DNAJB12: variants seen among roughly 807,000 people sequenced by gnomAD.
DNAJB12 encodes dnaJ homolog subfamily B member 12.
In DNAJB12, 14 loss-of-function variants were observed where a neutral mutation model predicts 40.6. The ratio of observed to expected loss-of-function variants is 0.34; its 90% CI spans 0.23 to 0.54. DNAJB12 has a LOEUF of 0.54. Ranked by LOEUF, DNAJB12 falls within the 20% of genes least tolerant of loss-of-function variation. The pLI is 0.92. For synonymous variants in DNAJB12, 181 were observed against 199.5 expected (o/e 0.91, Z 0.78); for missense variants, 444 against 501.7 (o/e 0.89, Z 1.10).
chr10:72,351,490 C>T (rs754637506), intron 1 of DNAJB12, among the ~76,000 whole-genome samples: 21 of 152,348 alleles, frequency 1.4e-4, no homozygotes, highest in Middle Eastern at 6.8e-3. Context: ...CCCATGCTCT[C>T]GATCCTTCCC....
At chr10:72,343,590 C>A in intron 2 of DNAJB12, 79 bp from the exon 3 acceptor site, 1 of 1,516,928 alleles carries the variant, frequency 6.6e-7, no homozygotes, top group South Asian at 1.2e-5. Flanking sequence ...CCGTGTGGGG[C>A]GCACAGCTCT....
At position 72,336,643 on chromosome 10, in the gene DNAJB12, T is replaced by C. The variant is rs1393745914; in HGVS notation, c.887A>G (p.Tyr296Cys). ...RVTDHLGVVY[Y>C]VGDTFSEEYT... is the part of the protein sequence containing the mutation. The stretch of plus-strand genomic sequence containing the variant: ...CTCTTCGGAGAAAGTGTCTCCCACA[T>C]AGTAGACGACACCCAGGTGGTCAGT... The change falls in exon 7 of 9, where the codon TAT becomes TGT. Residue 296 changes from tyrosine to cysteine, a missense_variant. Coordinates refer to ENST00000444643, the MANE Select transcript of DNAJB12 (RefSeq NM_017626.7). The C allele has an allele frequency of 3.1e-6, 5 of 1,613,984 alleles. No homozygotes were observed. Among genetic ancestry groups the C allele is most frequent in the Non-Finnish European group, 4.2e-6 (5 of 1,179,976 alleles).
intron 3 of DNAJB12, 39 bp downstream of exon 3, chr10:72,343,327 T>G (rs938388217): frequency 6.3e-7 from 1 of 1,598,112 alleles, no homozygotes; most frequent in Non-Finnish European, 8.5e-7. Context: ...GGACAGGAGA[T>G]GAACACACCA....
chr10:72,334,625 G>C lies in DNAJB12; in HGVS notation c.*31-8C>G. The C allele has an allele frequency of 6.5e-7, 1 of 1,530,266 alleles. No individual in the cohort carries two copies. Among genetic ancestry groups the C allele is most frequent in the Non-Finnish European group, 8.7e-7 (1 of 1,145,176 alleles). The allele number at this position is 1,530,266 out of a possible 1,614,324, so 94.8% of individuals were successfully genotyped here. A position where few individuals can be genotyped will look rare whatever the true frequency, so the allele number is the denominator to read the frequency against. On this transcript the variant is annotated splice_polypyrimidine_tract_variant and splice_region_variant and intron_variant, in intron 8 of 8. Coordinates refer to ENST00000444643, the MANE Select transcript of DNAJB12 (RefSeq NM_017626.7). ...CTCCAGGGATTTCATAGTCTGGGGA[G>C]GAGAGTGGCAACAGTTAGCTCGGCA...
intron 1 of DNAJB12, among the ~76,000 whole-genome samples, chr10:72,349,097 A>G (rs1861871952): frequency 6.6e-6 from 1 of 152,140 alleles, no homozygotes; most frequent in African/African-American, 2.4e-5. Flanking sequence ...AGAGACATCA[A>G]ATTCAGAAAG....
At chr10:72,339,238 C>A (rs1231774592) in intron 5 of DNAJB12, among the ~76,000 whole-genome samples, 459 of 111,016 alleles carry the variant, frequency 4.1e-3, no homozygotes, top group East Asian at 0.016. Context: ...GACCCTGTCT[C>A]AAAAAAAAAA....
intron 3 of DNAJB12, among the ~76,000 whole-genome samples, chr10:72,341,875 G>GAGCT (rs1469018218): frequency 6.6e-6 from 1 of 152,236 alleles, no homozygotes; most frequent in African/African-American, 2.4e-5. Flanking sequence ...ATATGTTACA[G>GAGCT]AGCTGGGAGT....
intron 3 of DNAJB12, 75 bp from the exon 4 acceptor site, chr10:72,341,245 C>T: frequency 7.1e-7 from 1 of 1,418,432 alleles, no homozygotes; most frequent in Non-Finnish European, 9.6e-7. Context: ...GCCGAGTGCT[C>T]ACTTTTCTCA....
chr10:72,334,434 A>G lies in DNAJB12; in HGVS notation c.*214T>C. The stretch of plus-strand genomic sequence containing the variant: ...CCCTGCGAGGGAGGGAAGCAGCCCC[A>G]TGGCAGGTTTTCTGTCTGTCCTAAG... On this transcript the variant is annotated 3_prime_UTR_variant, in exon 9 of 9. Transcript: ENST00000444643. The G allele has an allele frequency of 1.1e-6, 1 of 925,140 alleles. No homozygotes were observed. The highest frequency in any genetic ancestry group is 2.7e-5 in the East Asian group (1 of 37,236). The allele number at this position is 925,140 out of a possible 1,614,324, so 57.3% of individuals were successfully genotyped here.
rs117199658 is a variant in DNAJB12, at chr10:72,336,306, C to T, written c.1006+218G>A. 4.5e-4 allele frequency among the ~76,000 whole-genome samples: 68 copies of T among 152,338 alleles called. 2 individuals are homozygous for T. The East Asian group carries it at 0.012, about 26-fold the overall frequency. ...ATGCTGGGCTGATGGCAGTGATTTA[C>T]GGGAACCTGAGGAAACTACCAGGTG... is the stretch of plus-strand genomic sequence containing the variant. On this transcript the variant is annotated intron_variant, in intron 7 of 8. Coordinates refer to ENST00000444643, the MANE Select transcript of DNAJB12 (RefSeq NM_017626.7).
At chr10:72,343,725 CAGA>C (rs919078401) in intron 2 of DNAJB12, among the ~76,000 whole-genome samples, 6 of 152,004 alleles carry the variant, frequency 3.9e-5, no homozygotes, top group Admixed American at 3.9e-4. Flanking sequence ...CCACGGGAAA[CAGA>C]AGAACACCGT....
In DNAJB12 at chr10:72,341,111, A is replaced by G. The variant is rs1331025436; in HGVS notation, c.517T>C (p.Phe173Leu). The stretch of plus-strand genomic sequence containing the variant: ...GCCGCCTGGCTCTTGTCATCGCCGA[A>G]CTGGTCATACTGCTTCCTCTTCTCC... Reference protein sequence around the residue: ...NPEKRKQYDQFGDDKSQAARH... With the variant: ...NPEKRKQYDQLGDDKSQAARH... The change falls in exon 4 of 9, where the codon TTC becomes CTC. Residue 173 changes from phenylalanine to leucine, a missense_variant. Transcript: ENST00000444643. The G allele has an allele frequency of 1.9e-6, 3 of 1,614,188 alleles. No individual in the cohort carries two copies. In the Admixed American group the frequency reaches 5.0e-5, roughly 27 times the overall value.
Position 72,354,915 on chromosome 10 carries a change from G to A in DNAJB12, c.-18C>T. ...GATTCCATGGCGGAACCAGAACGCG[G>A]AACCAGGGAGGGGGAGGCCGGGCGA... On this transcript the variant is annotated 5_prime_UTR_variant, in exon 1 of 9. Coordinates refer to ENST00000444643, the MANE Select transcript of DNAJB12 (RefSeq NM_017626.7). The A allele has an allele frequency of 6.2e-7, 1 of 1,613,826 alleles. No individual in the cohort carries two copies. Among genetic ancestry groups the A allele is most frequent in the Non-Finnish European group, 8.5e-7 (1 of 1,179,836 alleles).
chr10:72,343,361 C>T lies in DNAJB12; in HGVS notation c.457+5G>A. ...CAAAATGCTAGGAAAGCAGGGCTGGCTTACCTTTGAAGGCTTCAGTGGCAC... is the reference window on the plus strand; with the variant it reads ...CAAAATGCTAGGAAAGCAGGGCTGGTTTACCTTTGAAGGCTTCAGTGGCAC... On this transcript the variant is annotated splice_donor_5th_base_variant and intron_variant, in intron 3 of 8. Coordinates refer to ENST00000444643, the MANE Select transcript of DNAJB12 (RefSeq NM_017626.7). 1 of 1,612,304 alleles carries T rather than the reference C, an allele frequency of 6.2e-7. No individual in the cohort carries two copies.
chr10:72,342,987 CT>C (rs906870101), intron 3 of DNAJB12, among the ~76,000 whole-genome samples: 1 of 152,206 alleles, frequency 6.6e-6, no homozygotes, highest in African/African-American at 2.4e-5. Flanking sequence ...TACCCTGCCC[CT>C]CAGCAGGGAA....
chr10:72,341,777 AT>A (rs1244206644), intron 3 of DNAJB12, among the ~76,000 whole-genome samples: 4 of 152,156 alleles, frequency 2.6e-5, no homozygotes, highest in African/African-American at 7.2e-5. Context: ...AGGTCAACTC[AT>A]TTACCTCTAA....
intron 3 of DNAJB12, among the ~76,000 whole-genome samples, chr10:72,342,662 G>C (rs1861671637): frequency 6.6e-6 from 1 of 152,206 alleles, no homozygotes; most frequent in Non-Finnish European, 1.5e-5. Context: ...TTCCCAAGGA[G>C]GTGGATGAAG....
intron 1 of DNAJB12, among the ~76,000 whole-genome samples, chr10:72,350,564 A>G (rs1407719942): frequency 6.6e-6 from 1 of 152,104 alleles, no homozygotes; most frequent in Non-Finnish European, 1.5e-5. Flanking sequence ...GCCAGCAAAA[A>G]ACTCAGCCCA....
Position 72,335,131 on chromosome 10 carries a change from G to C in DNAJB12, c.*31-514C>G. 1 of 989,204 alleles carries C rather than the reference G, an allele frequency of 1.0e-6. No homozygotes were observed. Among genetic ancestry groups the C allele is most frequent in the South Asian group, 4.6e-5 (1 of 21,906 alleles). 61.3% of individuals were successfully genotyped at this position (989,204 alleles called of 1,614,324 possible). ...CAAGGCCGGATGCCTGTGGCTTCCA[G>C]GCTGCCAGGTGTGACGGCATTCGAG... On this transcript the variant is annotated intron_variant, in intron 8 of 8. Transcript: ENST00000444643. The surrounding 1 kb of genome is among the most constrained non-coding windows in gnomAD (Gnocchi z 4.4).
Sources: allele counts gnomAD v4.1 joint callset (sites outside exome capture counted in the v4.1 genomes callset), GRCh38; gene constraint gnomAD v4.1.1; non-coding constraint Gnocchi (gnomAD v3.1); transcripts MANE v1.5; gene names NCBI Gene and HGNC (gene_info 2026-07-23, HGNC 2026-07-21).